The following ST7 variants were observed in gnomAD, a reference collection of about 807,000 sequenced individuals.
ST7 encodes the protein suppression of tumorigenicity 7.
Under a neutral mutation model 78.7 loss-of-function variants are expected in ST7, and 28 were observed. The ratio of observed to expected loss-of-function variants is 0.36; its 90% CI spans 0.26 to 0.49. The LOEUF is 0.49. Among genes scored for constraint, ST7 ranks in the 20% least tolerant of loss-of-function variants. The probability of loss-of-function intolerance (pLI) is 0.99; values close to 1 mark genes in which losing one functional copy is unlikely to be tolerated. For synonymous variants in ST7, 247 were observed against 249.6 expected (o/e 0.99, Z 0.10); for missense variants, 418 against 696.0 (o/e 0.60, Z 4.49).
intron 8 of ST7, among the ~76,000 whole-genome samples, chr7:117,137,793 A>G (rs934985770): frequency 6.6e-6 from 1 of 152,200 alleles, no homozygotes; most frequent in Admixed American, 6.5e-5. Context: ...TAAATAAAAG[A>G]TTAAGATTAG....
intron 1 of ST7, among the ~76,000 whole-genome samples, chr7:116,968,939 G>A (rs896796014): frequency 3.3e-5 from 5 of 152,060 alleles, no homozygotes; most frequent in East Asian, 1.9e-4. Flanking sequence ...TCATTTTGAA[G>A]CATTAAAAAT....
chr7:117,175,557 G>C (rs1478195553), intron 10 of ST7, among the ~76,000 whole-genome samples: 1 of 152,184 alleles, frequency 6.6e-6, no homozygotes, highest in Non-Finnish European at 1.5e-5. Flanking sequence ...GGGTGGTGGG[G>C]AAGAGGTGGA....
intron 9 of ST7, among the ~76,000 whole-genome samples, chr7:117,150,585 T>G (rs1018737982): frequency 2.0e-5 from 3 of 152,298 alleles, no homozygotes; most frequent in Admixed American, 2.0e-4. Flanking sequence ...TGGCTCTTCC[T>G]GCCTGCAGCT....
intron 9 of ST7, among the ~76,000 whole-genome samples, chr7:117,152,234 A>C (rs1026544410): frequency 7.6e-6 from 1 of 130,768 alleles, no homozygotes; most frequent in Non-Finnish European, 1.6e-5. Context: ...CCATGAACAA[A>C]TCTTTAGTTT....
At chr7:117,020,763 T>C in intron 1 of ST7, 1 of 1,326,476 alleles carries the variant, frequency 7.5e-7, no homozygotes, top group Non-Finnish European at 1.0e-6. Flanking sequence ...ACAAAGGAAT[T>C]GGTCTCAGGG....
intron 1 of ST7, among the ~76,000 whole-genome samples, chr7:117,062,737 A>G (rs1037741682): frequency 1.3e-5 from 2 of 152,242 alleles, no homozygotes; most frequent in African/African-American, 2.4e-5. Flanking sequence ...TTCATAGGAA[A>G]AAAGTGAATG....
chr7:117,219,026 G>T lies in ST7; in HGVS notation c.1406-58G>T. The T allele has an allele frequency of 7.0e-7, 1 of 1,437,058 alleles. No homozygotes were observed. The highest frequency in any genetic ancestry group is 9.6e-7 in the Non-Finnish European group (1 of 1,036,496). 89.0% of individuals were successfully genotyped at this position (1,437,058 alleles called of 1,614,324 possible). Reference sequence around the variant, plus strand: ...AAATGCTCAAACGCCCCTTTTTGCAGTTGGGAAGTTATGACACAAACATTG... The same window carrying T: ...AAATGCTCAAACGCCCCTTTTTGCATTTGGGAAGTTATGACACAAACATTG... On this transcript the variant is annotated intron_variant, in intron 13 of 15. Transcript: ENST00000323984. The surrounding 1 kb of genome is among the most constrained non-coding windows in gnomAD (Gnocchi z 5.1).
intron 1 of ST7, chr7:117,014,801 G>A: frequency 2.7e-6 from 1 of 376,458 alleles, no homozygotes; most frequent in Non-Finnish European, 4.7e-6. Context: ...ACATTTCTAA[G>A]GACGACTTTA....
chr7:117,109,778 T>C (rs1802278716), intron 2 of ST7, among the ~76,000 whole-genome samples: 1 of 152,200 alleles, frequency 6.6e-6, no homozygotes, highest in African/African-American at 2.4e-5. Context: ...TGAACGTAGA[T>C]ACAAAAATTC....
chr7:117,033,242 A>G (rs1328042568), intron 1 of ST7, among the ~76,000 whole-genome samples: 1 of 152,206 alleles, frequency 6.6e-6, no homozygotes, highest in Non-Finnish European at 1.5e-5. Context: ...CTAGAATAGA[A>G]ATGGCAGCAT....
intron 10 of ST7, among the ~76,000 whole-genome samples, chr7:117,183,769 G>T (rs1808984766): frequency 6.6e-6 from 1 of 152,164 alleles, no homozygotes; most frequent in African/African-American, 2.4e-5. Context: ...ACATATCCCT[G>T]AGAAATGAGT....
chr7:116,971,451 G>T (rs1019473394), intron 1 of ST7, among the ~76,000 whole-genome samples: 1 of 152,086 alleles, frequency 6.6e-6, no homozygotes, highest in African/African-American at 2.4e-5. Context: ...CAGTTGGGAG[G>T]GGGTAGAGAT....
intron 9 of ST7, among the ~76,000 whole-genome samples, chr7:117,151,756 G>A (rs1806262702): frequency 6.6e-6 from 1 of 152,100 alleles, no homozygotes; most frequent in Non-Finnish European, 1.5e-5. Context: ...ATGCCTGTAT[G>A]GGGAGTAGAG....
rs534181585 is a variant in ST7, at chr7:116,956,286, T to C, written c.151+2595T>C. 4.0e-4 allele frequency: 134 copies of C among 334,166 alleles called. 1 individual carries two copies. Among genetic ancestry groups the C allele is most frequent in the South Asian group, 3.2e-3 (125 of 39,122 alleles). The allele number at this position is 334,166 out of a possible 1,614,324, so 20.7% of individuals were successfully genotyped here. A position where few individuals can be genotyped will look rare whatever the true frequency, so the allele number is the denominator to read the frequency against. ...GGAAAAAGTTTCTGTACTGAAGTTA[T>C]TGGCAAGGAAGGCCCAGGGAGAAAG... On this transcript the variant is annotated intron_variant, in intron 1 of 15. Coordinates refer to ENST00000323984, the MANE Select transcript of ST7 (RefSeq NM_001369598.1).
chr7:116,985,649 A>G (rs1353371178), intron 1 of ST7, among the ~76,000 whole-genome samples: 1 of 152,182 alleles, frequency 6.6e-6, no homozygotes, highest in Non-Finnish European at 1.5e-5. Flanking sequence ...ATTGTGTTTG[A>G]CTGAGGTTAG....
At chr7:117,222,173 A>G in intron 15 of ST7, 111 bp downstream of exon 15, 1 of 1,215,770 alleles carries the variant, frequency 8.2e-7, no homozygotes, top group Non-Finnish European at 1.1e-6. Flanking sequence ...CGAGCCTGCA[A>G]AGATCATTGC....
At chr7:117,064,280 T>A (rs1005780713) in intron 1 of ST7, among the ~76,000 whole-genome samples, 1 of 152,148 alleles carries the variant, frequency 6.6e-6, no homozygotes, top group Non-Finnish European at 1.5e-5. Context: ...TTAGAAAAAA[T>A]TTAATAAATG....
intron 1 of ST7, chr7:116,967,227 T>G (rs1347914768): frequency 2.2e-6 from 1 of 465,102 alleles, no homozygotes; most frequent in Non-Finnish European, 4.5e-6. Flanking sequence ...TATGAATAGG[T>G]AGTAATTCTG....
chr7:117,171,635 C>G (rs990894634), intron 10 of ST7, among the ~76,000 whole-genome samples: 4 of 151,366 alleles, frequency 2.6e-5, no homozygotes, highest in Non-Finnish European at 5.9e-5. Flanking sequence ...TTTTAAAACT[C>G]TAATGCTCAT....
Sources: gnomAD v4.1 joint callset for allele counts (sites outside exome capture counted in the v4.1 genomes callset) on GRCh38, gnomAD v4.1.1 for gene constraint, Gnocchi (gnomAD v3.1) non-coding constraint, MANE v1.5 for transcripts, NCBI Gene and HGNC (gene_info 2026-07-23, HGNC 2026-07-21) for gene names.